KRT79: variants seen among roughly 807,000 people sequenced by gnomAD.
KRT79 encodes the protein keratin 79, also known as keratin, type II cytoskeletal 79.
Under a neutral mutation model 49.0 loss-of-function variants are expected in KRT79, and 51 were observed. The observed-to-expected ratio is 1.04, with a 90% CI of 0.83 to 1.31. The LOEUF (loss-of-function observed/expected upper bound fraction) is 1.31, where lower values mean the gene tolerates loss of function less well. Among genes scored for constraint, KRT79 ranks in the 40% most tolerant of loss-of-function variants. The pLI is 0.00. For missense variants in KRT79, 728 were observed against 688.0 expected, an observed-to-expected ratio of 1.06 and a Z score of -0.65; for synonymous variants, 312 against 286.6, an observed-to-expected ratio of 1.09 and a Z score of -0.90.
chr12:52,831,665 C>A (rs760920882), intron 1 of KRT79, 39 bp from the exon 2 acceptor site: 2 of 1,534,174 alleles, frequency 1.3e-6, no homozygotes, highest in Non-Finnish European at 1.8e-6. Context: ...TGTCACCCTC[C>A]GGTCACCAGA....
chr12:52,824,359 G>T lies in KRT79; in HGVS notation c.859C>A (p.Leu287Met), dbSNP rs145653873. ...GACACGTGGGTCTGCACTTGGCTCAGCTCCTGAAGAATCAGAGACAGCTGC... is the reference window on the plus strand; with the variant it reads ...GACACGTGGGTCTGCACTTGGCTCATCTCCTGAAGAATCAGAGACAGCTGC... ...DFLQQLYEME[L>M]SQVQTHVSNT... The change falls in exon 5 of 9, where the codon CTG becomes ATG. Residue 287 changes from leucine (L) to methionine (M), a missense_variant. Coordinates refer to ENST00000330553, the MANE Select transcript of KRT79 (RefSeq NM_175834.3). 15 of 1,613,558 alleles carry T rather than the reference G, an allele frequency of 9.3e-6. No individual in the cohort carries two copies. The highest frequency in any genetic ancestry group is 1.2e-5 in the Non-Finnish European group (14 of 1,179,668).
chr12:52,822,974 G>A (rs750375579), intron 7 of KRT79, 42 bp downstream of exon 7: 14 of 1,593,438 alleles, frequency 8.8e-6, no homozygotes, highest in South Asian at 1.1e-5. Context: ...CCCCAGGGCA[G>A]GCCCGACCCA....
At chr12:52,828,324 A>G (rs961905798) in intron 4 of KRT79, among the ~76,000 whole-genome samples, 1 of 152,198 alleles carries the variant, frequency 6.6e-6, no homozygotes. Context: ...TTTAACCACA[A>G]ATTATTGGTT....
intron 1 of KRT79, 117 bp downstream of exon 1, chr12:52,833,667 C>T: frequency 1.2e-6 from 1 of 855,728 alleles, no homozygotes; most frequent in Non-Finnish European, 2.0e-6. Context: ...AGCTCCAGAG[C>T]TCTATCAACC....
Position 52,831,464 on chromosome 12 carries a change from C to T in KRT79, c.640G>A (p.Gly214Arg), listed in dbSNP as rs748677868. 3.7e-6 allele frequency: 6 copies of T among 1,614,114 alleles called. No individual in the cohort carries two copies. The African/African-American group carries it at 5.3e-5, about 14-fold the overall frequency. The change falls in exon 2 of 9, where the codon GGG becomes AGG. Residue 214 changes from glycine to arginine, a missense_variant. Transcript: ENST00000330553. ...TTCCTGAGCTCTGAGTCCAGCCTCC[C>T]CCGCTCGCTCTGAAGTCTGTCCAGC... The part of the protein sequence containing the change: ...STLDRLQSER[G>R]RLDSELRNVQ...
At chr12:52,827,984 G>A (rs1390231393) in intron 4 of KRT79, among the ~76,000 whole-genome samples, 1 of 152,134 alleles carries the variant, frequency 6.6e-6, no homozygotes, top group Non-Finnish European at 1.5e-5. Context: ...ATATGGAGAG[G>A]AGGAGACCCC....
At chr12:52,823,339 C>A (rs2121276221) in intron 6 of KRT79, 103 bp from the exon 7 acceptor site, 1 of 905,678 alleles carries the variant, frequency 1.1e-6, no homozygotes, top group Non-Finnish European at 1.8e-6. Flanking sequence ...TCCCTGCCCC[C>A]AACCAGCTGG....
At chr12:52,832,765 C>A (rs1473007675) in intron 1 of KRT79, among the ~76,000 whole-genome samples, 1 of 152,150 alleles carries the variant, frequency 6.6e-6, no homozygotes, top group East Asian at 1.9e-4. Flanking sequence ...TGCCAAGAAC[C>A]ACAGAGTCCA....
chr12:52,823,854 G>T (rs1940136622), intron 6 of KRT79, 33 bp downstream of exon 6: 1 of 1,601,090 alleles, frequency 6.2e-7, no homozygotes, highest in Non-Finnish European at 8.5e-7. Context: ...CCAACACCTA[G>T]GCCAGACCCC....
At chr12:52,822,954 C>G in intron 7 of KRT79, 62 bp downstream of exon 7, 1 of 1,544,334 alleles carries the variant, frequency 6.5e-7, no homozygotes, top group Non-Finnish European at 8.8e-7. Flanking sequence ...AGCAGACTCC[C>G]TGGGCTCTCC....
intron 4 of KRT79, among the ~76,000 whole-genome samples, chr12:52,829,164 GA>G (rs1191309649): frequency 1.3e-5 from 2 of 152,210 alleles, no homozygotes; most frequent in African/African-American, 4.8e-5. Flanking sequence ...CGGACCCTAA[GA>G]GTCTGTGATT....
intron 5 of KRT79, 89 bp from the exon 6 acceptor site, chr12:52,824,101 C>T (rs372432653): frequency 9.9e-6 from 16 of 1,610,152 alleles, no homozygotes; most frequent in Middle Eastern, 1.7e-4. Context: ...GTATATCTGG[C>T]CCCCCGGACT....
intron 4 of KRT79, among the ~76,000 whole-genome samples, chr12:52,829,430 G>T (rs1240182857): frequency 6.6e-6 from 1 of 152,190 alleles, no homozygotes; most frequent in Non-Finnish European, 1.5e-5. Context: ...ATTCTAGCAT[G>T]CTTCTTCCTA....
chr12:52,821,993 G>C lies in KRT79; in HGVS notation c.1487C>G (p.Ala496Gly). 6.2e-7 allele frequency: 1 copy of C among 1,614,064 alleles called. No individual in the cohort carries two copies. The highest frequency in any genetic ancestry group is 8.5e-7 in the Non-Finnish European group (1 of 1,180,002). Residue 496 changes from alanine to glycine, a missense_variant, in exon 9 of 9, where the codon GCC becomes GGC. Coordinates refer to ENST00000330553, the MANE Select transcript of KRT79 (RefSeq NM_175834.3). ...GGISLGGSGG[A>G]TKGGFSTNVG... is the part of the protein sequence containing the mutation. ...ATTTGTGCTGAATCCACCCTTGGTG[G>C]CCCCCCCACTCCCACCCAGGGAGAT...
rs149652172 is a variant in KRT79, at chr12:52,830,194, C to A, written c.759+38G>T. ...TCCCCGAATCAGCCCAGTACCCTGG[C>A]AGCCAAAGGACCACCTCCCCCACTC... On this transcript the variant is annotated intron_variant, in intron 3 of 8. Transcript: ENST00000330553. 1,648 of 1,613,536 alleles carry A rather than the reference C, an allele frequency of 1.0e-3. 14 individuals are homozygous for A. The African/African-American group carries it at 0.019, about 19-fold the overall frequency.
chr12:52,830,797 T>C (rs1020678390), intron 2 of KRT79, among the ~76,000 whole-genome samples: 3 of 152,204 alleles, frequency 2.0e-5, no homozygotes, highest in African/African-American at 7.2e-5. Flanking sequence ...CCTTTGGAGC[T>C]TGAGTCAAAT....
Position 52,821,800 on chromosome 12 carries a change from C to G in KRT79, c.*72G>C. 7.2e-7 allele frequency: 1 copy of G among 1,391,734 alleles called. No homozygotes were observed. The highest frequency in any genetic ancestry group is 1.2e-5 in the South Asian group (1 of 82,830). 86.2% of individuals were successfully genotyped at this position (1,391,734 alleles called of 1,614,324 possible). A position where few individuals can be genotyped will look rare whatever the true frequency, so the allele number is the denominator to read the frequency against. On this transcript the variant is annotated 3_prime_UTR_variant, in exon 9 of 9. Transcript: ENST00000330553. The stretch of plus-strand genomic sequence containing the variant: ...GGCTGTTCCTGCTCCTGAGAAGTGA[C>G]TGGAAAGGACAGCAGAGGTGGGGTG...
chr12:52,828,828 TACTTC>T lies in KRT79; in HGVS notation c.855+1190_855+1194del, dbSNP rs577111792. Among the ~76,000 whole-genome samples the T allele has an allele frequency of 6.4e-4, 97 of 152,290 alleles. 1 individual carries two copies. The highest frequency in any genetic ancestry group is 2.2e-3 in the African/African-American group (93 of 41,572). On this transcript the variant is annotated intron_variant, in intron 4 of 8. Coordinates refer to ENST00000330553, the MANE Select transcript of KRT79 (RefSeq NM_175834.3). ...CCTCCCCACCCCTCCATCTTCTGAA[TACTTC>T]ACTAAAAGCCCTGTTTCCTGAACGT...
intron 4 of KRT79, among the ~76,000 whole-genome samples, chr12:52,827,237 C>CG (rs968577335): frequency 6.6e-6 from 1 of 151,946 alleles, no homozygotes; most frequent in Non-Finnish European, 1.5e-5. Context: ...CCATGGCGTC[C>CG]CATGTGCCTT....
Sources: allele counts gnomAD v4.1 joint callset (sites outside exome capture counted in the v4.1 genomes callset), GRCh38; gene constraint gnomAD v4.1.1; transcripts MANE v1.5; gene names NCBI Gene and HGNC (gene_info 2026-07-23, HGNC 2026-07-21).